Variants in NF2 observed in about 807,000 individuals in gnomAD.
NF2 encodes NF2, moesin-ezrin-radixin like (MERLIN) tumor suppressor.
Under a neutral mutation model 83.7 loss-of-function variants are expected in NF2, and 8 were observed. That is an observed-to-expected ratio of 0.10 (90% CI 0.06 to 0.17). The LOEUF (loss-of-function observed/expected upper bound fraction) is 0.17, where lower values mean the gene tolerates loss of function less well. Ranked by LOEUF, NF2 falls within the 10% of genes least tolerant of loss-of-function variation. The pLI is 1.00. For missense variants in NF2, 533 were observed against 744.4 expected (o/e 0.72, Z 3.31); for synonymous variants, 266 against 269.6 (o/e 0.99, Z 0.13).
At chr22:29,646,463 C>T (rs1376764234) in intron 4 of NF2, among the ~76,000 whole-genome samples, 4 of 152,172 alleles carry the variant, frequency 2.6e-5, no homozygotes, top group African/African-American at 9.7e-5. Flanking sequence ...CTAAGTTCTT[C>T]AGTAAGTCAT....
At chr22:29,687,802 G>A (rs1032500270) in intron 15 of NF2, among the ~76,000 whole-genome samples, 8 of 152,216 alleles carry the variant, frequency 5.3e-5, no homozygotes, top group African/African-American at 1.9e-4. Context: ...GGAGTGGGGA[G>A]TGGGGTGGGG....
intron 1 of NF2, among the ~76,000 whole-genome samples, chr22:29,607,626 C>G (rs1425293535): frequency 6.6e-6 from 1 of 151,982 alleles, no homozygotes; most frequent in Admixed American, 6.6e-5. Context: ...TACAAAGAAA[C>G]AGGAAAATAT....
chr22:29,612,120 G>A (rs1282671800), intron 1 of NF2, among the ~76,000 whole-genome samples: 1 of 152,094 alleles, frequency 6.6e-6, no homozygotes, highest in Non-Finnish European at 1.5e-5. Flanking sequence ...CGATTCTCCT[G>A]CCTCAGCCTC....
At chr22:29,606,269 C>G (rs777838602) in intron 1 of NF2, among the ~76,000 whole-genome samples, 7 of 152,210 alleles carry the variant, frequency 4.6e-5, no homozygotes, top group African/African-American at 9.7e-5. Context: ...TTGGAGCTCC[C>G]TTCTTCCACC....
At chr22:29,658,976 T>C (rs975640638) in intron 7 of NF2, among the ~76,000 whole-genome samples, 1 of 152,218 alleles carries the variant, frequency 6.6e-6, no homozygotes, top group Non-Finnish European at 1.5e-5. Flanking sequence ...ATAGTCATGC[T>C]TTGCTTTCCC....
rs1268222733 is a variant in NF2, at chr22:29,696,063, TTTC to T, written c.*1264_*1266del. ...TTGGTCTGGGGCCACCTTCTTGCCC[TTTC>T]TTTTTTTTTTTTTTTTTTTTTTTCC... On this transcript the variant is annotated 3_prime_UTR_variant, in exon 16 of 16. Coordinates refer to ENST00000338641, the MANE Select transcript of NF2 (RefSeq NM_000268.4). 1.3e-5 allele frequency: 3 copies of T among 224,902 alleles called. No homozygotes were observed. The highest frequency in any genetic ancestry group is 2.3e-5 in the African/African-American group (1 of 43,408). The allele number at this position is 224,902 out of a possible 1,614,324, so 13.9% of individuals were successfully genotyped here.
At chr22:29,650,242 AATAG>A (rs1340256256) in intron 4 of NF2, among the ~76,000 whole-genome samples, 1 of 152,230 alleles carries the variant, frequency 6.6e-6, no homozygotes, top group African/African-American at 2.4e-5. Flanking sequence ...AAAAAATTTA[AATAG>A]ATATAGCCAA....
chr22:29,647,097 A>C, intron 4 of NF2, among the ~76,000 whole-genome samples: 1 of 152,002 alleles, frequency 6.6e-6, no homozygotes, highest in East Asian at 1.9e-4. Flanking sequence ...ACACTAAACC[A>C]TCTTGCAATG....
chr22:29,628,305 G>A (rs1421748537), intron 1 of NF2, among the ~76,000 whole-genome samples: 1 of 152,082 alleles, frequency 6.6e-6, no homozygotes, highest in African/African-American at 2.4e-5. Context: ...CATGTATGTG[G>A]CATTGGGGGA....
rs764124088 is a variant in NF2 at position 29,636,366 on chromosome 22, TCAA to T, written c.115-378_115-376del. On this transcript the variant is annotated intron_variant, in intron 1 of 15. Transcript: ENST00000338641. The surrounding 1 kb of genome is among the most constrained non-coding windows in gnomAD (Gnocchi z 4.4). Reference sequence around the variant, plus strand: ...GCAAAGTAATGATTTAAAAAAAAAATCAACAACAAAATTTCAAGGGAATGAATG... The same window carrying T: ...GCAAAGTAATGATTTAAAAAAAAAATCAACAAAATTTCAAGGGAATGAATG... Among the ~76,000 whole-genome samples, 2 of 151,894 alleles carry T rather than the reference TCAA, an allele frequency of 1.3e-5. No homozygotes were observed. The highest frequency in any genetic ancestry group is 2.9e-5 in the Non-Finnish European group (2 of 67,962).
At chr22:29,624,293 T>G (rs1360499989) in intron 1 of NF2, among the ~76,000 whole-genome samples, 1 of 152,088 alleles carries the variant, frequency 6.6e-6, no homozygotes, top group Non-Finnish European at 1.5e-5. Context: ...CTGCAACCTT[T>G]GCCTCCCGGG....
intron 1 of NF2, among the ~76,000 whole-genome samples, chr22:29,609,809 T>G (rs759571323): frequency 6.6e-6 from 1 of 152,176 alleles, no homozygotes; most frequent in Non-Finnish European, 1.5e-5. Context: ...TCTTAATGTC[T>G]AAGGAGGGCA....
At chr22:29,609,285 T>C (rs1391091801) in intron 1 of NF2, 5 of 697,016 alleles carry the variant, frequency 7.2e-6, no homozygotes, top group East Asian at 2.9e-5. Context: ...ATGGAAGATA[T>C]GATGTTAAAG....
At chr22:29,687,776 G>A (rs76564122) in intron 15 of NF2, among the ~76,000 whole-genome samples, 4,970 of 152,302 alleles carry the variant, frequency 0.033, 91 homozygotes, top group Non-Finnish European at 0.047. Flanking sequence ...GGGTGAGAGG[G>A]GGAAGGAAAG....
intron 15 of NF2, among the ~76,000 whole-genome samples, chr22:29,686,959 C>T (rs1416274807): frequency 6.6e-6 from 1 of 152,140 alleles, no homozygotes; most frequent in Non-Finnish European, 1.5e-5. Context: ...TGCCTTGAGC[C>T]TGGCTTTCGT....
intron 1 of NF2, among the ~76,000 whole-genome samples, chr22:29,623,343 G>T (rs533887971): frequency 6.6e-6 from 1 of 152,272 alleles, no homozygotes; most frequent in South Asian, 2.1e-4. Context: ...GAAGAGCTTT[G>T]AAGTTTTTAC....
At chr22:29,671,793 G>A (rs2147070171) in intron 10 of NF2, 33 bp from the exon 11 acceptor site, 1 of 1,613,320 alleles carries the variant, frequency 6.2e-7, no homozygotes, top group Non-Finnish European at 8.5e-7. Flanking sequence ...CGAGCCCTGT[G>A]ATTCAATGAC....
chr22:29,670,387 G>T (rs1372442411), intron 10 of NF2, among the ~76,000 whole-genome samples: 1 of 151,896 alleles, frequency 6.6e-6, no homozygotes, highest in East Asian at 1.9e-4. Flanking sequence ...TATGGAAATT[G>T]TAATATGATG....
chr22:29,660,455 A>T (rs1216919735), intron 7 of NF2, among the ~76,000 whole-genome samples: 1 of 152,230 alleles, frequency 6.6e-6, no homozygotes, highest in Non-Finnish European at 1.5e-5. Context: ...GCTTTATCAC[A>T]TGAAGACTAC....
Sources: allele counts gnomAD v4.1 joint callset (sites outside exome capture counted in the v4.1 genomes callset), GRCh38; gene constraint gnomAD v4.1.1; non-coding constraint Gnocchi (gnomAD v3.1); transcripts MANE v1.5; gene names NCBI Gene and HGNC (gene_info 2026-07-23, HGNC 2026-07-21).